The following SETDB2 variants were observed in gnomAD, a reference collection of about 807,000 sequenced individuals.
The protein encoded by SETDB2 is histone-lysine N-methyltransferase SETDB2.
Under a neutral mutation model 82.5 loss-of-function variants are expected in SETDB2, and 56 were observed. The ratio of observed to expected loss-of-function variants is 0.68; its 90% confidence interval spans 0.55 to 0.85. The LOEUF (loss-of-function observed/expected upper bound fraction) is 0.85. SETDB2 is among the 40% of genes least tolerant of loss of function. SETDB2 has a pLI of 0.00. For missense variants in SETDB2, 677 were observed against 816.4 expected (o/e 0.83, Z 2.08); for synonymous variants, 272 against 284.9 (o/e 0.95, Z 0.46).
At chr13:49,473,026 G>A (rs369106689) in intron 5 of SETDB2, among the ~76,000 whole-genome samples, 1 of 152,062 alleles carries the variant, frequency 6.6e-6, no homozygotes, top group Non-Finnish European at 1.5e-5. Flanking sequence ...TGTTCCAGTA[G>A]TGGCTAACTT....
In SETDB2 at chr13:49,476,974, T is replaced by C. The variant is rs1958378818; in HGVS notation, c.804T>C (p.Tyr268=). 2 of 1,613,248 alleles carry C rather than the reference T, an allele frequency of 1.2e-6. No homozygotes were observed. The highest frequency in any genetic ancestry group is 3.3e-5 in the Admixed American group (2 of 59,900). Residue 268 remains tyrosine (Y), a synonymous_variant, in exon 6 of 14, where the codon TAT becomes TAC. Coordinates refer to ENST00000611815, the MANE Select transcript of SETDB2 (RefSeq NM_001160308.3). ...GAAAGACTGTGTGGCCTCGAGCATA[T>C]AATCTAACCAACTTTTCCAGCATGT... ...KYRKTVWPRA[Y]NLTNFSSMFT...
Position 49,476,663 on chromosome 13 carries a change from C to T in SETDB2, c.493C>T (p.His165Tyr), listed in dbSNP as rs766977541. 4.9e-5 allele frequency: 79 copies of T among 1,614,036 alleles called. No individual in the cohort carries two copies. The highest frequency in any genetic ancestry group is 6.7e-5 in the Non-Finnish European group (79 of 1,180,046). ...LPIKCHFQRR[H>Y]AKTNSHSSAL... ...AATCAAATGTCACTTCCAAAGACGACATGCAAAGACAAACTCTCATTCTTC... is the reference window on the plus strand; with the variant it reads ...AATCAAATGTCACTTCCAAAGACGATATGCAAAGACAAACTCTCATTCTTC... Residue 165 changes from histidine to tyrosine, a missense_variant, in exon 6 of 14, where the codon CAT becomes TAT. His to Tyr is a moderately conservative substitution (Grantham distance 83). Around this residue, in one of 3 missense-constraint regions of SETDB2, gnomAD observed 243 missense variants for 237.2 expected, o/e 1.02. Transcript: ENST00000611815.
At chr13:49,490,003 G>T (rs1381663233) in intron 12 of SETDB2, among the ~76,000 whole-genome samples, 1 of 142,350 alleles carries the variant, frequency 7.0e-6, no homozygotes, top group Non-Finnish European at 1.5e-5. Flanking sequence ...GGCCAGGCGT[G>T]ATGTGACTCA....
chr13:49,467,801 G>T, intron 4 of SETDB2, 63 bp from the exon 5 acceptor site: 1 of 1,221,760 alleles, frequency 8.2e-7, no homozygotes, highest in Non-Finnish European at 1.2e-6. Context: ...ATATTACTTG[G>T]GTACTTATAG....
intron 4 of SETDB2, among the ~76,000 whole-genome samples, chr13:49,465,470 T>C (rs1005889344): frequency 1.3e-5 from 2 of 152,238 alleles, no homozygotes; most frequent in Admixed American, 6.5e-5. Flanking sequence ...GAAACTCTTA[T>C]TATTTGTAAA....
intron 11 of SETDB2, 102 bp downstream of exon 11, chr13:49,485,825 C>T: frequency 9.7e-7 from 1 of 1,028,604 alleles, no homozygotes; most frequent in Non-Finnish European, 1.5e-6. Flanking sequence ...AATAAACATG[C>T]TGCATTTGTC....
intron 4 of SETDB2, among the ~76,000 whole-genome samples, chr13:49,462,919 A>AT (rs1566160753): frequency 6.6e-6 from 1 of 152,154 alleles, no homozygotes; most frequent in Non-Finnish European, 1.5e-5. Flanking sequence ...GGGAGGAAAA[A>AT]TTTTATCTCA....
At chr13:49,477,512 C>CT (rs1053140017) in intron 6 of SETDB2, among the ~76,000 whole-genome samples, 1 of 152,166 alleles carries the variant, frequency 6.6e-6, no homozygotes, top group Non-Finnish European at 1.5e-5. Context: ...AAAAAAACCT[C>CT]TAATTATTTG....
intron 7 of SETDB2, 116 bp from the exon 8 acceptor site, chr13:49,480,825 ACTCTAC>A (rs1958462819): frequency 1.7e-5 from 16 of 926,564 alleles, no homozygotes; most frequent in Middle Eastern, 2.9e-4. Context: ...GAACCCAGGC[ACTCTAC>A]CTCTAAGAGC....
chr13:49,479,562 A>T (rs1036949304), intron 6 of SETDB2, among the ~76,000 whole-genome samples: 2 of 152,244 alleles, frequency 1.3e-5, no homozygotes, highest in African/African-American at 4.8e-5. Flanking sequence ...CTTGTTCAGC[A>T]AAGGAGACTA....
At chr13:49,478,497 A>T (rs552272897) in intron 6 of SETDB2, among the ~76,000 whole-genome samples, 27 of 152,362 alleles carry the variant, frequency 1.8e-4, no homozygotes, top group African/African-American at 6.3e-4. Context: ...ATTTCAAACA[A>T]ACATTTACAG....
At chr13:49,489,807 G>A (rs1288167342) in intron 12 of SETDB2, among the ~76,000 whole-genome samples, 1 of 148,900 alleles carries the variant, frequency 6.7e-6, no homozygotes, top group Non-Finnish European at 1.5e-5. Context: ...TGTTGGTCAG[G>A]CTGGTCTTGA....
intron 11 of SETDB2, among the ~76,000 whole-genome samples, chr13:49,486,475 T>C (rs1958600243): frequency 6.6e-6 from 1 of 151,758 alleles, no homozygotes; most frequent in Non-Finnish European, 1.5e-5. Flanking sequence ...TGCTGACCTC[T>C]GGTCTAATTG....
At chr13:49,485,284 A>G (rs1482658570) in intron 10 of SETDB2, among the ~76,000 whole-genome samples, 1 of 152,258 alleles carries the variant, frequency 6.6e-6, no homozygotes, top group Non-Finnish European at 1.5e-5. Context: ...CACAACTTAC[A>G]GTTGAAGGCA....
In SETDB2 at chr13:49,480,990, T is replaced by TG. The variant is rs748965708; in HGVS notation, c.1031dup (p.Cys344TrpfsTer20). ...TTTGTGCAAATGTAATCGACAATTG[T>TG]GTCAAAACCGAGTTGTCCAACATGG... On this transcript the variant is annotated frameshift_variant, in exon 8 of 14. Coordinates refer to ENST00000611815, the MANE Select transcript of SETDB2 (RefSeq NM_001160308.3). LOFTEE classifies it high-confidence loss of function. 1.9e-6 allele frequency: 3 copies of TG among 1,614,190 alleles called. No homozygotes were observed. Among genetic ancestry groups the TG allele is most frequent in the Non-Finnish European group, 2.5e-6 (3 of 1,179,996 alleles).
At chr13:49,458,786 A>G (rs1957940228) in intron 2 of SETDB2, among the ~76,000 whole-genome samples, 1 of 152,234 alleles carries the variant, frequency 6.6e-6, no homozygotes, top group African/African-American at 2.4e-5. Context: ...AATGAATAGC[A>G]TTATTGTCCA....
Position 49,480,336 on chromosome 13 carries a change from G to C in SETDB2, c.986+1G>C. On this transcript the variant is annotated splice_donor_variant, in intron 7 of 13. Coordinates refer to ENST00000611815, the MANE Select transcript of SETDB2 (RefSeq NM_001160308.3). LOFTEE classifies it high-confidence loss of function. ...GACTACAGAGACAGATTCCTACTGG[G>C]TAAGGTACCTTGAGGATTTGTTGCA... 6.4e-7 allele frequency: 1 copy of C among 1,563,990 alleles called. No homozygotes were observed. Among genetic ancestry groups the C allele is most frequent in the Non-Finnish European group, 8.7e-7 (1 of 1,151,098 alleles).
At chr13:49,449,615 A>G (rs1000809462) in intron 1 of SETDB2, among the ~76,000 whole-genome samples, 2 of 151,952 alleles carry the variant, frequency 1.3e-5, no homozygotes, top group African/African-American at 2.4e-5. Flanking sequence ...TCTTAAATTT[A>G]TGTTTTCTTA....
intron 2 of SETDB2, among the ~76,000 whole-genome samples, chr13:49,452,316 T>G (rs1189493815): frequency 6.6e-6 from 1 of 152,164 alleles, no homozygotes; most frequent in Non-Finnish European, 1.5e-5. Flanking sequence ...TTTCACCATG[T>G]TGGTCAGGCT....
Sources: allele counts gnomAD v4.1 joint callset (sites outside exome capture counted in the v4.1 genomes callset), GRCh38; gene constraint gnomAD v4.1.1; regional missense constraint gnomAD v4.1.1; transcripts MANE v1.5; gene names NCBI Gene and HGNC (gene_info 2026-07-23, HGNC 2026-07-21).